The following ICE1 variants were observed in gnomAD, a reference collection of about 807,000 sequenced individuals.
ICE1 encodes the protein little elongation complex subunit 1.
ICE1 carries 64 observed loss-of-function variants against 192.7 expected under a neutral mutation model. The ratio of observed to expected loss-of-function variants is 0.33; its 90% confidence interval spans 0.27 to 0.41. The LOEUF (loss-of-function observed/expected upper bound fraction) is 0.41, where lower values mean the gene tolerates loss of function less well. Ranked by LOEUF, ICE1 falls within the 10% of genes least tolerant of loss-of-function variation. The pLI, the probability that ICE1 is intolerant of heterozygous loss-of-function variation, is 1.00. For missense variants in ICE1, 2,708 were observed against 2,696.0 expected, an observed-to-expected ratio of 1.00 and a Z score of -0.10; for synonymous variants, 1,010 against 984.5, an observed-to-expected ratio of 1.03 and a Z score of -0.49.
At chr5:5,427,809 A>G (rs1375445872) in intron 1 of ICE1, among the ~76,000 whole-genome samples, 1 of 152,204 alleles carries the variant, frequency 6.6e-6, no homozygotes, top group Non-Finnish European at 1.5e-5. Context: ...TGATGAACAG[A>G]AGAGGCATGG....
intron 3 of ICE1, among the ~76,000 whole-genome samples, chr5:5,438,865 A>G (rs970257895): frequency 6.6e-6 from 1 of 152,220 alleles, no homozygotes; most frequent in South Asian, 2.1e-4. Context: ...ATAGATACAT[A>G]CCTTTAAAAA....
chr5:5,443,363 A>G (rs953473381), intron 6 of ICE1, 119 bp downstream of exon 6: 10 of 575,270 alleles, frequency 1.7e-5, no homozygotes, highest in South Asian at 4.8e-5. Context: ...AATTAGCTGC[A>G]TGGTCTTGAA....
rs1738917998 is a variant in ICE1, at chr5:5,464,509, T to A, written c.5175T>A (p.Leu1725=). 1 of 1,613,956 alleles carries A rather than the reference T, an allele frequency of 6.2e-7. No homozygotes were observed. Among genetic ancestry groups the A allele is most frequent in the East Asian group, 2.2e-5 (1 of 44,874 alleles). Residue 1725 remains leucine (L), a synonymous_variant, in exon 13 of 19, where the codon CTT becomes CTA. Transcript: ENST00000296564. This position sits in a 1 kb window ranked among gnomAD's most constrained non-coding sequence, Gnocchi z 4.0. ...QFCAATPKHA[L]PVPGRLPPCA... is the part of the protein sequence containing the mutation. ...GTGCGGCCACGCCGAAGCACGCACT[T>A]CCTGTGCCTGGCCGACTCCCACCCT...
At chr5:5,449,676 A>G (rs1429764128) in intron 10 of ICE1, among the ~76,000 whole-genome samples, 2 of 152,334 alleles carry the variant, frequency 1.3e-5, no homozygotes, top group South Asian at 2.1e-4. Context: ...GGAGCAGGAC[A>G]TTAGCATTTT....
intron 17 of ICE1, among the ~76,000 whole-genome samples, chr5:5,480,084 C>G (rs1016502029): frequency 2.2e-4 from 34 of 152,040 alleles, no homozygotes; most frequent in Admixed American, 2.2e-3. Context: ...TATTCCACAA[C>G]TGAAAAAAGA....
intron 1 of ICE1, among the ~76,000 whole-genome samples, chr5:5,425,236 C>T (rs1737486400): frequency 1.3e-5 from 2 of 152,150 alleles, no homozygotes; most frequent in Admixed American, 1.3e-4. Context: ...AATCTCCTTC[C>T]TTCTACCCTT....
rs756912236 is a variant in ICE1, at chr5:5,461,716, T to G, written c.2382T>G (p.Ser794Arg). The change falls in exon 13 of 19, where the codon AGT (serine) becomes AGG (arginine). Residue 794 changes from serine to arginine, a missense_variant. By Grantham distance (110) the Ser-to-Arg change is moderately radical. Transcript: ENST00000296564. The part of the protein sequence containing the change: ...GFVKSTSWHH[S>R]DLLRKGGEES... Reference sequence around the variant, plus strand: ...TTAAAAGTACTTCATGGCACCATAGTGATTTATTAAGGAAAGGTGGCGAAG... The same window carrying G: ...TTAAAAGTACTTCATGGCACCATAGGGATTTATTAAGGAAAGGTGGCGAAG... 1 of 1,613,818 alleles carries G rather than the reference T, an allele frequency of 6.2e-7. No homozygotes were observed. Among genetic ancestry groups the G allele is most frequent in the African/African-American group, 1.3e-5 (1 of 75,044 alleles).
intron 17 of ICE1, among the ~76,000 whole-genome samples, chr5:5,485,023 C>T (rs1005424539): frequency 1.3e-5 from 2 of 151,912 alleles, no homozygotes; most frequent in Admixed American, 6.6e-5. Flanking sequence ...GGGAAGGCTG[C>T]GAGTGTAGGG....
intron 10 of ICE1, among the ~76,000 whole-genome samples, chr5:5,450,555 A>G (rs538081321): frequency 1.1e-4 from 17 of 152,152 alleles, no homozygotes; most frequent in Non-Finnish European, 1.5e-4. Flanking sequence ...AACACATGGA[A>G]TATTCATATT....
chr5:5,439,091 C>T (rs1393535344), intron 3 of ICE1, among the ~76,000 whole-genome samples: 1 of 152,178 alleles, frequency 6.6e-6, no homozygotes, highest in African/African-American at 2.4e-5. Context: ...TTCAGTATTT[C>T]AGCTCTTTTT....
At chr5:5,426,637 A>G (rs1177461765) in intron 1 of ICE1, among the ~76,000 whole-genome samples, 1 of 152,178 alleles carries the variant, frequency 6.6e-6, no homozygotes, top group Admixed American at 6.5e-5. Flanking sequence ...GGAACATGGA[A>G]TGGTGAGGAA....
chr5:5,442,576 A>G (rs1465730171), intron 5 of ICE1, among the ~76,000 whole-genome samples: 1 of 152,220 alleles, frequency 6.6e-6, no homozygotes, highest in Non-Finnish European at 1.5e-5. Flanking sequence ...TGGAAGAGCA[A>G]GTCATCCTGT....
rs757164665 is a variant in ICE1 at position 5,463,417 on chromosome 5, A to C, written c.4083A>C (p.Glu1361Asp). 2 of 1,613,492 alleles carry C rather than the reference A, an allele frequency of 1.2e-6. No homozygotes were observed. Among genetic ancestry groups the C allele is most frequent in the Non-Finnish European group, 1.7e-6 (2 of 1,179,688 alleles). ...DAGRQTDGGE[E>D]DLPEPVEPSA... ...GCAGGCAAACCGATGGTGGGGAAGA[A>C]GACCTGCCAGAACCTGTGGAGCCAT... is the stretch of plus-strand genomic sequence containing the variant. The change falls in exon 13 of 19, where the codon GAA becomes GAC. Residue 1361 changes from glutamate (E) to aspartate (D), a missense_variant. Glu to Asp is a conservative substitution (Grantham distance 45). Around this residue, in one of 2 missense-constraint regions of ICE1, gnomAD observed 2,366 missense variants for 2,276.6 expected, o/e 1.04. Coordinates refer to ENST00000296564, the MANE Select transcript of ICE1 (RefSeq NM_015325.3).
At chr5:5,439,846 A>G in intron 3 of ICE1, 49 bp from the exon 4 acceptor site, 4 of 1,326,822 alleles carry the variant, frequency 3.0e-6, no homozygotes, top group Non-Finnish European at 4.2e-6. Context: ...TTATCTCCAG[A>G]GAAGTATCAG....
rs1041983601 is a variant in ICE1 at position 5,427,867 on chromosome 5, A to G, written c.84+4868A>G. The stretch of plus-strand genomic sequence containing the variant: ...AGTTAAGTAGAAAAGCAACCACAGT[A>G]TAGGTATAATATAAATATTATGGTA... On this transcript the variant is annotated intron_variant, in intron 1 of 18. Transcript: ENST00000296564. Among the ~76,000 whole-genome samples the G allele has an allele frequency of 1.4e-4, 22 of 152,344 alleles. 1 individual carries two copies. In the East Asian group the frequency reaches 4.1e-3, roughly 28 times the overall value.
chr5:5,482,768 A>AC (rs1374668279), intron 17 of ICE1, among the ~76,000 whole-genome samples: 6 of 116,692 alleles, frequency 5.1e-5, no homozygotes, highest in African/African-American at 7.1e-5. Flanking sequence ...TAACACCCCC[A>AC]CCCCCCAACA....
In ICE1 at chr5:5,457,457, A is replaced by G; in HGVS notation, c.817A>G (p.Ile273Val). Residue 273 changes from isoleucine to valine, a missense_variant, in exon 12 of 19, where the codon ATA (isoleucine) becomes GTA (valine). Ile to Val is a conservative substitution (Grantham distance 29, BLOSUM62 3). This residue lies in a region of ICE1 where 2,366 missense variants were observed against 2,276.6 expected (regional missense o/e 1.04). Transcript: ENST00000296564. ...ATGCCTCACAAAACTGTCCATGGAG[A>G]TAAAGGAGGACTTTTTATGTCAAAA... The part of the protein sequence containing the change: ...QTCLTKLSME[I>V]KEDFLCQNVE... 6.2e-7 allele frequency: 1 copy of G among 1,613,948 alleles called. No homozygotes were observed. The highest frequency in any genetic ancestry group is 8.5e-7 in the Non-Finnish European group (1 of 1,179,866).
chr5:5,447,982 TGA>T, intron 10 of ICE1, 85 bp downstream of exon 10: 1 of 1,044,774 alleles, frequency 9.6e-7, no homozygotes, highest in Non-Finnish European at 1.4e-6. Flanking sequence ...CATATAATTG[TGA>T]AAGTGCCAGG....
chr5:5,442,422 G>A (rs143903261), intron 5 of ICE1, among the ~76,000 whole-genome samples: 3 of 152,140 alleles, frequency 2.0e-5, no homozygotes, highest in Non-Finnish European at 2.9e-5. Context: ...GTATAACTAT[G>A]CTGTCAAAGT....
Sources: allele counts gnomAD v4.1 joint callset (sites outside exome capture counted in the v4.1 genomes callset), GRCh38; gene constraint gnomAD v4.1.1; regional missense constraint gnomAD v4.1.1; non-coding constraint Gnocchi (gnomAD v3.1); transcripts MANE v1.5; gene names NCBI Gene and HGNC (gene_info 2026-07-23, HGNC 2026-07-21).